The following SPMIP11 variants were observed in gnomAD, a reference collection of about 807,000 sequenced individuals.
The protein encoded by SPMIP11 is sperm microtubule inner protein 11.
At chr12:48,751,294 A>T in the SPMIP11 span, among the ~76,000 whole-genome samples, 1 of 152,234 alleles carries the variant, frequency 6.6e-6, no homozygotes, top group Non-Finnish European at 1.5e-5. Flanking sequence ...TGTGGGGAAC[A>T]TACTTTGGTC....
At chr12:48,728,139 A>G in the SPMIP11 span, among the ~76,000 whole-genome samples, 22 of 152,312 alleles carry the variant, frequency 1.4e-4, no homozygotes, top group Admixed American at 1.0e-3. Context: ...GTTAAGCACC[A>G]GGCTTTATGT....
At chr12:48,733,764 C>CTT in the SPMIP11 span, among the ~76,000 whole-genome samples, 2,417 of 82,890 alleles carry the variant, frequency 0.029, 91 homozygotes, top group South Asian at 0.054. Flanking sequence ...AATGCAGATT[C>CTT]TTTTTTTTTT....
the SPMIP11 span, among the ~76,000 whole-genome samples, chr12:48,731,215 G>A: frequency 3.3e-5 from 5 of 152,102 alleles, no homozygotes; most frequent in African/African-American, 1.2e-4. Context: ...ACTCACGGCC[G>A]GGCACGGTGG....
the SPMIP11 span, among the ~76,000 whole-genome samples, chr12:48,730,452 A>G: frequency 6.6e-6 from 1 of 152,118 alleles, no homozygotes; most frequent in African/African-American, 2.4e-5. Context: ...CTCGCAAAAT[A>G]TGGACAAAGG....
the SPMIP11 span, among the ~76,000 whole-genome samples, chr12:48,769,781 G>C: frequency 7.0e-6 from 1 of 142,134 alleles, no homozygotes; most frequent in Non-Finnish European, 1.5e-5. Context: ...TTTTTGGGGG[G>C]GACAGAGTCT....
chr12:48,764,718 T>G, the SPMIP11 span: 26 of 602,648 alleles, frequency 4.3e-5, 1 homozygote, highest in East Asian at 6.7e-4. Flanking sequence ...GTGACCACAC[T>G]CCCAGGACCT....
At chr12:48,770,126 G>C in the SPMIP11 span, among the ~76,000 whole-genome samples, 1 of 135,116 alleles carries the variant, frequency 7.4e-6, no homozygotes, top group Non-Finnish European at 1.5e-5. Flanking sequence ...GGCTGGTCTT[G>C]AACTCCCGAC....
the SPMIP11 span, among the ~76,000 whole-genome samples, chr12:48,747,176 G>C: frequency 1.3e-5 from 2 of 151,108 alleles, no homozygotes; most frequent in African/African-American, 2.4e-5. Flanking sequence ...TTTTTTTGGA[G>C]AGGCAGGGTC....
chr12:48,747,408 A>G, the SPMIP11 span, among the ~76,000 whole-genome samples: 1 of 152,186 alleles, frequency 6.6e-6, no homozygotes, highest in Non-Finnish European at 1.5e-5. Flanking sequence ...AGCAGATTCA[A>G]AATTGAGAAA....
chr12:48,745,219 A>G, the SPMIP11 span, among the ~76,000 whole-genome samples: 4 of 151,458 alleles, frequency 2.6e-5, no homozygotes, highest in African/African-American at 9.7e-5. Context: ...CCAAGCTTGC[A>G]GTGAGCCGAG....
the SPMIP11 span, among the ~76,000 whole-genome samples, chr12:48,732,032 C>T: frequency 6.6e-6 from 1 of 151,640 alleles, no homozygotes; most frequent in African/African-American, 2.4e-5. Flanking sequence ...ACCTGTAATC[C>T]TAGCTACTCT....
chr12:48,769,586 TTTC>T, the SPMIP11 span, among the ~76,000 whole-genome samples: 1 of 150,620 alleles, frequency 6.6e-6, no homozygotes, highest in South Asian at 2.1e-4. Flanking sequence ...CATCCTTTCT[TTTC>T]TTTTTTTTTT....
chr12:48,757,652 ATAAAAAT>A, the SPMIP11 span, among the ~76,000 whole-genome samples: 41 of 94,986 alleles, frequency 4.3e-4, no homozygotes, highest in East Asian at 8.5e-4. Context: ...TCTCAAAAAA[ATAAAAAT>A]AAAAATAAAA....
At chr12:48,743,752 G>C in the SPMIP11 span, among the ~76,000 whole-genome samples, 1 of 151,888 alleles carries the variant, frequency 6.6e-6, no homozygotes, top group African/African-American at 2.4e-5. Context: ...GACCAACATG[G>C]TAAAACTGCA....
At chr12:48,734,444 C>T in the SPMIP11 span, among the ~76,000 whole-genome samples, 26 of 152,254 alleles carry the variant, frequency 1.7e-4, no homozygotes, top group African/African-American at 3.9e-4. Flanking sequence ...CTTCCCATTA[C>T]GACAGCTAAG....
chr12:48,751,618 C>G, the SPMIP11 span, among the ~76,000 whole-genome samples: 1 of 152,086 alleles, frequency 6.6e-6, no homozygotes, highest in Non-Finnish European at 1.5e-5. Context: ...CAAAAAGAAA[C>G]TCAGTTTATC....
the SPMIP11 span, chr12:48,770,865 G>A: frequency 1.9e-5 from 31 of 1,614,094 alleles, no homozygotes; most frequent in African/African-American, 2.9e-4. Flanking sequence ...ATGTGGGAGC[G>A]GCCCACCTGA....
At chr12:48,770,963 C>T in the SPMIP11 span, 3 of 1,613,984 alleles carry the variant, frequency 1.9e-6, no homozygotes, top group South Asian at 1.1e-5. Context: ...CCGCTCCTCG[C>T]TGATAATCTG....
At chr12:48,759,407 G>A in the SPMIP11 span, 1 of 681,558 alleles carries the variant, frequency 1.5e-6, no homozygotes, top group Non-Finnish European at 2.7e-6. Context: ...GCTGGGATGA[G>A]GCCGGGCTTG....
Sources: gnomAD v4.1 joint callset for allele counts (sites outside exome capture counted in the v4.1 genomes callset) on GRCh38, gnomAD v4.1.1 for gene constraint, MANE v1.5 for transcripts, NCBI Gene and HGNC (gene_info 2026-07-23, HGNC 2026-07-21) for gene names.